SEMA4D: variants seen among roughly 807,000 people sequenced by gnomAD.
SEMA4D encodes the protein semaphorin-4D.
SEMA4D carries 22 observed loss-of-function variants against 74.8 expected under a neutral mutation model. The observed-to-expected ratio is 0.29, with a 90% CI of 0.21 to 0.42. The LOEUF is 0.42. Ranked by LOEUF, SEMA4D falls within the 10% of genes least tolerant of loss-of-function variation. The pLI is 1.00. For missense variants in SEMA4D, 937 were observed against 1,118.4 expected, an observed-to-expected ratio of 0.84 and a Z score of 2.31; for synonymous variants, 445 against 463.7, an observed-to-expected ratio of 0.96 and a Z score of 0.52.
intron 1 of SEMA4D, among the ~76,000 whole-genome samples, chr9:89,467,266 T>A (rs144525342): frequency 1.7e-4 from 26 of 152,274 alleles, no homozygotes; most frequent in African/African-American, 4.8e-4. Flanking sequence ...CCTTACACCG[T>A]AGAACCTGGA....
At chr9:89,384,976 C>T (rs1033435704) in intron 13 of SEMA4D, 33 of 985,318 alleles carry the variant, frequency 3.3e-5, no homozygotes, top group South Asian at 4.7e-5. Flanking sequence ...CACGTCCCCA[C>T]GAATGGAGGC....
intron 2 of SEMA4D, among the ~76,000 whole-genome samples, chr9:89,421,680 T>C (rs1846988181): frequency 6.6e-6 from 1 of 152,208 alleles, no homozygotes; most frequent in Non-Finnish European, 1.5e-5. Context: ...TATGCAACTG[T>C]TAAAAAGAAT....
intron 16 of SEMA4D, chr9:89,364,405 A>G (rs1833251799): frequency 3.8e-6 from 1 of 261,066 alleles, no homozygotes; most frequent in Non-Finnish European, 7.7e-6. Flanking sequence ...AGCTGTGTGC[A>G]GAGGGGGCTG....
At chr9:89,400,131 G>A (rs1205953247) in intron 4 of SEMA4D, among the ~76,000 whole-genome samples, 1 of 151,802 alleles carries the variant, frequency 6.6e-6, no homozygotes, top group African/African-American at 2.4e-5. Flanking sequence ...TTGGCAGCAG[G>A]AGGAAGTGAT....
chr9:89,493,718 A>G (rs1299212602), intron 1 of SEMA4D, among the ~76,000 whole-genome samples: 2 of 152,254 alleles, frequency 1.3e-5, no homozygotes, highest in Non-Finnish European at 2.9e-5. Context: ...TTTACTTTGT[A>G]GACTTCTATG....
At chr9:89,452,762 G>A (rs1458672587) in intron 2 of SEMA4D, among the ~76,000 whole-genome samples, 6 of 152,230 alleles carry the variant, frequency 3.9e-5, no homozygotes, top group Non-Finnish European at 7.3e-5. Flanking sequence ...GTCCCGTCCT[G>A]TTAAAGCAGC....
At chr9:89,431,671 A>AT (rs1849306845) in intron 2 of SEMA4D, among the ~76,000 whole-genome samples, 1 of 151,046 alleles carries the variant, frequency 6.6e-6, no homozygotes, top group African/African-American at 2.5e-5. Flanking sequence ...CTATCTTTTT[A>AT]TTTTTTTGTA....
intron 2 of SEMA4D, among the ~76,000 whole-genome samples, chr9:89,436,788 T>C (rs1850519203): frequency 6.6e-6 from 1 of 152,216 alleles, no homozygotes; most frequent in Non-Finnish European, 1.5e-5. Flanking sequence ...TGTCCACCCA[T>C]GGAGCAGCAG....
intron 2 of SEMA4D, among the ~76,000 whole-genome samples, chr9:89,429,656 G>T (rs1848828903): frequency 1.3e-5 from 2 of 152,156 alleles, no homozygotes; most frequent in South Asian, 4.1e-4. Flanking sequence ...ACTTCATGAA[G>T]AGCAGGTTCC....
intron 1 of SEMA4D, among the ~76,000 whole-genome samples, chr9:89,495,027 C>T (rs1046094680): frequency 9.9e-5 from 15 of 152,140 alleles, no homozygotes; most frequent in Admixed American, 2.6e-4. Context: ...AGGCTTTGAT[C>T]GAAGCCAGAA....
chr9:89,438,616 C>T (rs1293478520), intron 2 of SEMA4D, among the ~76,000 whole-genome samples: 1 of 152,156 alleles, frequency 6.6e-6, no homozygotes, highest in Admixed American at 6.5e-5. Context: ...GGCAAAAAAT[C>T]GAAGTATTCT....
intron 1 of SEMA4D, among the ~76,000 whole-genome samples, chr9:89,467,759 T>C (rs1859137139): frequency 6.6e-6 from 1 of 152,140 alleles, no homozygotes; most frequent in Admixed American, 6.5e-5. Context: ...CTTGAACTTC[T>C]GACCTTGTGA....
chr9:89,475,823 A>G (rs1181142805), intron 1 of SEMA4D, among the ~76,000 whole-genome samples: 2 of 152,090 alleles, frequency 1.3e-5, no homozygotes, highest in Non-Finnish European at 2.9e-5. Flanking sequence ...TGGCTTGCAC[A>G]AATATTTTTT....
At position 89,385,019 on chromosome 9, in the gene SEMA4D, T is replaced by C. The variant is rs888747850; in HGVS notation, c.1446+1348A>G. The C allele has an allele frequency of 1.0e-5, 10 of 985,094 alleles. No individual in the cohort carries two copies. The East Asian group carries it at 3.4e-4, about 34-fold the overall frequency. The allele number at this position is 985,094 out of a possible 1,614,324, so 61.0% of individuals were successfully genotyped here. On this transcript the variant is annotated intron_variant, in intron 13 of 15. Transcript: ENST00000422704. ...GAGACAGGCGGGTCGGGTGGTCCAG[T>C]AGGACCAGCAAGCGCTTCCCCAAAC...
At chr9:89,364,597 C>G (rs1244736822) in intron 16 of SEMA4D, 2 of 157,866 alleles carry the variant, frequency 1.3e-5, no homozygotes, top group African/African-American at 4.8e-5. Flanking sequence ...AGCATGGACT[C>G]TGGGCCCGAC....
At chr9:89,487,868 G>C (rs921441861) in intron 1 of SEMA4D, among the ~76,000 whole-genome samples, 1 of 152,120 alleles carries the variant, frequency 6.6e-6, no homozygotes, top group African/African-American at 2.4e-5. Context: ...TGAAAATAGA[G>C]GGAGATTCCA....
chr9:89,490,831 G>T (rs1825567336), intron 1 of SEMA4D, among the ~76,000 whole-genome samples: 1 of 152,034 alleles, frequency 6.6e-6, no homozygotes, highest in Non-Finnish European at 1.5e-5. Flanking sequence ...GGGAAGAGGG[G>T]GTTGAGTGAA....
chr9:89,447,397 C>T (rs888731970), intron 2 of SEMA4D, among the ~76,000 whole-genome samples: 1 of 152,054 alleles, frequency 6.6e-6, no homozygotes, highest in African/African-American at 2.4e-5. Flanking sequence ...CGCTCCTCAC[C>T]TCCCCAAAGC....
At chr9:89,409,227 A>T in intron 2 of SEMA4D, among the ~76,000 whole-genome samples, 1 of 152,262 alleles carries the variant, frequency 6.6e-6, no homozygotes, top group East Asian at 1.9e-4. Context: ...TGGGAAAGGC[A>T]AAACCATGAA....
Sources: allele counts gnomAD v4.1 joint callset (sites outside exome capture counted in the v4.1 genomes callset), GRCh38; gene constraint gnomAD v4.1.1; transcripts MANE v1.5; gene names NCBI Gene and HGNC (gene_info 2026-07-23, HGNC 2026-07-21).